Variants in ERCC6L2 observed in about 807,000 individuals in gnomAD.
ERCC6L2 encodes ERCC excision repair 6 like 2, also known as DNA excision repair protein ERCC-6-like 2.
ERCC6L2 carries 77 observed loss-of-function variants against 132.0 expected under a neutral mutation model. The ratio of observed to expected loss-of-function variants is 0.58; its 90% CI spans 0.49 to 0.71. The LOEUF (loss-of-function observed/expected upper bound fraction) is 0.71. Among genes scored for constraint, ERCC6L2 ranks in the 30% least tolerant of loss-of-function variants. ERCC6L2 has a pLI of 0.00. For synonymous variants in ERCC6L2, 583 were observed against 632.4 expected (o/e 0.92, Z 1.17); for missense variants, 1,542 against 1,837.6 (o/e 0.84, Z 2.94).
At position 95,915,808 on chromosome 9, in the gene ERCC6L2, A is replaced by G. The variant is rs931867266; in HGVS notation, c.929A>G (p.Glu310Gly). Reference protein sequence around the residue: ...TGTILQNNMKELWCVMDWAVP... With the variant: ...TGTILQNNMKGLWCVMDWAVP... ...ACCATCCTTCAGAACAACATGAAGGAACTGTGGTGTGTTATGGACTGGTGA... is the reference window on the plus strand; with the variant it reads ...ACCATCCTTCAGAACAACATGAAGGGACTGTGGTGTGTTATGGACTGGTGA... The change falls in exon 5 of 19, where the codon GAA (glutamate) becomes GGA (glycine). Residue 310 changes from glutamate (E) to glycine (G), a missense_variant. Glu to Gly is a moderately conservative substitution (Grantham distance 98). Coordinates refer to ENST00000653738, the MANE Select transcript of ERCC6L2 (RefSeq NM_020207.7). 4 of 1,611,920 alleles carry G rather than the reference A, an allele frequency of 2.5e-6. No individual in the cohort carries two copies. Among genetic ancestry groups the G allele is most frequent in the Non-Finnish European group, 2.5e-6 (3 of 1,179,372 alleles).
intron 12 of ERCC6L2, among the ~76,000 whole-genome samples, chr9:95,948,837 A>G (rs904521993): frequency 2.0e-5 from 3 of 151,892 alleles, no homozygotes; most frequent in Admixed American, 1.3e-4. Flanking sequence ...ATGAAAATAC[A>G]GCTCATTCAG....
chr9:96,013,253 G>A lies in ERCC6L2; in HGVS notation c.*50G>A, dbSNP rs1178400720. The A allele has an allele frequency of 7.1e-6, 9 of 1,272,144 alleles. No homozygotes were observed. The highest frequency in any genetic ancestry group is 9.3e-5 in the East Asian group (2 of 21,478). 78.8% of individuals were successfully genotyped at this position (1,272,144 alleles called of 1,614,324 possible). On this transcript the variant is annotated 3_prime_UTR_variant, in exon 19 of 19. Transcript: ENST00000653738. The stretch of plus-strand genomic sequence containing the variant: ...GTAAACTGCTGCCATCACTGTTTAC[G>A]GCACTGGATTCCACACTGATTCTAT...
At chr9:96,038,994 C>A (rs75729479) in exon 20 of ERCC6L2, 43,449 of 452,638 alleles carry the variant, frequency 0.096, 2,318 homozygotes, top group African/African-American at 0.13. Flanking sequence ...TGCCCACAGC[C>A]GTGGAGATGA....
At chr9:95,998,473 C>A (rs1441616705) in intron 17 of ERCC6L2, among the ~76,000 whole-genome samples, 1 of 152,136 alleles carries the variant, frequency 6.6e-6, no homozygotes, top group African/African-American at 2.4e-5. Context: ...GTTAATTAAC[C>A]CACTTTGCTC....
chr9:95,935,342 C>T (rs1339071936), intron 11 of ERCC6L2, among the ~76,000 whole-genome samples: 1 of 152,020 alleles, frequency 6.6e-6, no homozygotes, highest in Non-Finnish European at 1.5e-5. Flanking sequence ...GTGTTTAGTG[C>T]TTAGGATATG....
intron 20 of ERCC6L2, among the ~76,000 whole-genome samples, chr9:96,040,559 C>T (rs1018868120): frequency 6.6e-6 from 1 of 152,210 alleles, no homozygotes; most frequent in Non-Finnish European, 1.5e-5. Context: ...TCCCTATGTG[C>T]TTAACCCCAC....
chr9:95,923,419 A>G (rs1221798162), intron 9 of ERCC6L2, 40 bp downstream of exon 9: 3 of 1,605,730 alleles, frequency 1.9e-6, no homozygotes, highest in East Asian at 2.2e-5. Context: ...GACATGATAC[A>G]CAAAATATTT....
chr9:95,910,676 C>T (rs1467019102), intron 4 of ERCC6L2, among the ~76,000 whole-genome samples: 1 of 152,156 alleles, frequency 6.6e-6, no homozygotes, highest in African/African-American at 2.4e-5. Flanking sequence ...AGACCATTCA[C>T]TTTGAATATA....
intron 11 of ERCC6L2, among the ~76,000 whole-genome samples, chr9:95,930,413 GT>G (rs1336571691): frequency 6.6e-6 from 1 of 152,036 alleles, no homozygotes; most frequent in Admixed American, 6.6e-5. Context: ...CATAAGCTCA[GT>G]TTTTGTTTAG....
At chr9:96,020,318 CAG>C (rs556308472), downstream of ERCC6L2, 37 of 170,198 alleles carry the variant, frequency 2.2e-4, no homozygotes, top group African/African-American at 7.2e-4. Context: ...GGTGGGGAAA[CAG>C]AGCCAAACCA....
intron 17 of ERCC6L2, among the ~76,000 whole-genome samples, chr9:95,989,384 C>G (rs749362968): frequency 6.6e-6 from 1 of 152,172 alleles, no homozygotes; most frequent in Non-Finnish European, 1.5e-5. Context: ...AATTCATTAG[C>G]ATAGAAAAGC....
At chr9:95,895,322 T>A (rs549170547) in intron 2 of ERCC6L2, among the ~76,000 whole-genome samples, 2 of 152,294 alleles carry the variant, frequency 1.3e-5, no homozygotes, top group East Asian at 3.9e-4. Flanking sequence ...ATCCCTTTTT[T>A]AAGAAGTTTT....
chr9:95,986,696 CA>C (rs1833110072), intron 17 of ERCC6L2, among the ~76,000 whole-genome samples: 1 of 151,944 alleles, frequency 6.6e-6, no homozygotes, highest in Non-Finnish European at 1.5e-5. Flanking sequence ...GGGGTTTTGC[CA>C]TGTTGCTGAG....
chr9:95,892,475 G>C (rs1414861513), intron 2 of ERCC6L2, among the ~76,000 whole-genome samples: 2 of 149,960 alleles, frequency 1.3e-5, no homozygotes, highest in African/African-American at 4.9e-5. Context: ...ACCCAGGCTG[G>C]AGCGTGGTGG....
chr9:95,970,641 A>C lies in ERCC6L2; in HGVS notation c.2166A>C (p.Ala722=), dbSNP rs965482122. 2.3e-6 allele frequency: 3 copies of C among 1,303,602 alleles called. No individual in the cohort carries two copies. In the African/African-American group the frequency reaches 4.6e-5, roughly 20 times the overall value. 80.8% of individuals were successfully genotyped at this position (1,303,602 alleles called of 1,614,324 possible). Residue 722 remains alanine (A), a synonymous_variant, in exon 15 of 19, where the codon GCA becomes GCC. Transcript: ENST00000653738. ...CATGGTTGAAAGAGGGACCTCCAGC[A>C]CACAAACTGGAAATGGTATGTAATA... ...ATTWLKEGPP[A]HKLEMPRQPD... is the part of the protein sequence containing the mutation.
chr9:95,972,147 T>C lies in ERCC6L2; in HGVS notation c.2396T>C (p.Leu799Pro), dbSNP rs1490220183. Residue 799 changes from leucine (L) to proline (P), a missense_variant, in exon 16 of 19, where the codon CTT (leucine) becomes CCT (proline). Transcript: ENST00000653738. Reference protein sequence around the residue: ...TLLQCGFSKLLETKCKAVEDS... With the variant: ...TLLQCGFSKLPETKCKAVEDS... ...CTCCAGTGTGGTTTCTCGAAATTGC[T>C]TGAAACAAAATGTAAAGCAGTTGAG... is the stretch of plus-strand genomic sequence containing the variant. 1 of 1,304,234 alleles carries C rather than the reference T, an allele frequency of 7.7e-7. No individual in the cohort carries two copies. 80.8% of individuals were successfully genotyped at this position (1,304,234 alleles called of 1,614,324 possible). A position where few individuals can be genotyped will look rare whatever the true frequency, so the allele number is the denominator to read the frequency against.
At position 95,907,220 on chromosome 9, in the gene ERCC6L2, T is replaced by A; in HGVS notation, c.737T>A (p.Ile246Asn). The A allele has an allele frequency of 1.2e-6, 2 of 1,613,222 alleles. No homozygotes were observed. Among genetic ancestry groups the A allele is most frequent in the Non-Finnish European group, 1.7e-6 (2 of 1,179,748 alleles). ...LIRVKQRKCE[I>N]ALTTYETLRL... Reference sequence around the variant, plus strand: ...CGTGTAAAGCAGAGGAAATGTGAAATTGCTCTAACAACTTATGAAACACTA... The same window carrying A: ...CGTGTAAAGCAGAGGAAATGTGAAAATGCTCTAACAACTTATGAAACACTA... Residue 246 changes from isoleucine to asparagine, a missense_variant, in exon 4 of 19, where the codon ATT (isoleucine) becomes AAT (asparagine). By Grantham distance (149) the Ile-to-Asn change is moderately radical (BLOSUM62 -3). Coordinates refer to ENST00000653738, the MANE Select transcript of ERCC6L2 (RefSeq NM_020207.7).
At chr9:95,996,972 C>T (rs1394206100) in intron 17 of ERCC6L2, among the ~76,000 whole-genome samples, 2 of 152,164 alleles carry the variant, frequency 1.3e-5, no homozygotes, top group Non-Finnish European at 2.9e-5. Flanking sequence ...GTGGCACATG[C>T]CTGTAGTTCT....
intron 19 of ERCC6L2, among the ~76,000 whole-genome samples, chr9:96,028,383 C>A (rs1588067599): frequency 6.6e-6 from 1 of 152,172 alleles, no homozygotes; most frequent in East Asian, 1.9e-4. Context: ...AGTGTGCCCT[C>A]TCCTGTGAAA....
Sources: allele counts gnomAD v4.1 joint callset (sites outside exome capture counted in the v4.1 genomes callset), GRCh38; gene constraint gnomAD v4.1.1; transcripts MANE v1.5; gene names NCBI Gene and HGNC (gene_info 2026-07-23, HGNC 2026-07-21).